KCTD1: variants seen among roughly 807,000 people sequenced by gnomAD.
The protein encoded by KCTD1 is potassium channel tetramerization domain containing 1.
A neutral mutation model predicts 66.0 loss-of-function variants in KCTD1; 24 were observed. That is an observed-to-expected ratio of 0.36 (90% CI 0.26 to 0.51). The LOEUF (loss-of-function observed/expected upper bound fraction) is 0.51. Ranked by LOEUF, KCTD1 falls within the 20% of genes least tolerant of loss-of-function variation. The pLI is 0.95. For synonymous variants in KCTD1, 511 were observed against 517.2 expected (o/e 0.99, Z 0.16); for missense variants, 943 against 1,205.2 (o/e 0.78, Z 3.22).
chr18:26,525,563 C>G (rs1984117396), intron 1 of KCTD1, among the ~76,000 whole-genome samples: 1 of 152,222 alleles, frequency 6.6e-6, no homozygotes, highest in African/African-American at 2.4e-5. Context: ...CCAGGATGCT[C>G]TCCTATGGTC....
upstream of KCTD1, chr18:26,549,825 G>A: frequency 2.0e-6 from 2 of 985,070 alleles, no homozygotes; most frequent in Non-Finnish European, 2.4e-6. Flanking sequence ...CAGCCAAAGA[G>A]CTCGCCGGGT....
chr18:26,546,866 G>A lies in KCTD1; in HGVS notation c.1671C>T (p.Ile557=). The A allele has an allele frequency of 6.6e-7, 1 of 1,504,402 alleles. No homozygotes were observed. Among genetic ancestry groups the A allele is most frequent in the Non-Finnish European group, 8.9e-7 (1 of 1,126,472 alleles). The allele number at this position is 1,504,402 out of a possible 1,614,324, so 93.2% of individuals were successfully genotyped here. ...CCGCATCCACAGGCTCCGAGGGGCG[G>A]ATACAAAGTCTTTTGGGGGAAGTGG... ...CGPTSPKRLC[I]RPSEPVDAVV... The change falls in exon 1 of 5, where the codon ATC becomes ATT. Residue 557 remains isoleucine (I), a synonymous_variant. Coordinates refer to ENST00000580059, the MANE Select transcript of KCTD1 (RefSeq NM_001142730.3).
At chr18:26,618,513 C>T (rs10502470) in intron 1 of KCTD1, among the ~76,000 whole-genome samples, 28,792 of 152,082 alleles carry the variant, frequency 0.19, 3,127 homozygotes, top group Middle Eastern at 0.28. Flanking sequence ...AACGATGCCT[C>T]TCTCTTCATC....
chr18:26,609,806 T>C (rs1987094688), intron 1 of KCTD1, among the ~76,000 whole-genome samples: 1 of 152,246 alleles, frequency 6.6e-6, no homozygotes, highest in African/African-American at 2.4e-5. Flanking sequence ...GTATTTCATT[T>C]GGGATAATTC....
chr18:26,529,503 G>T (rs1984334560), intron 1 of KCTD1, among the ~76,000 whole-genome samples: 2 of 152,104 alleles, frequency 1.3e-5, no homozygotes, highest in African/African-American at 4.8e-5. Context: ...ACATCTCTTA[G>T]TCCAAAATCC....
intron 1 of KCTD1, among the ~76,000 whole-genome samples, chr18:26,564,918 A>G (rs1985947456): frequency 6.6e-6 from 1 of 152,252 alleles, no homozygotes; most frequent in East Asian, 1.9e-4. Context: ...TCAAAGGGTC[A>G]TAAACACAGC....
rs772196507 is a variant in KCTD1, at chr18:26,468,939, G to A, written c.2133+7576C>T. On this transcript the variant is annotated intron_variant, in intron 3 of 4. Transcript: ENST00000580059. The surrounding 1 kb of genome is among the most constrained non-coding windows in gnomAD (Gnocchi z 4.8). ...AAGCACCAATAGTACTGTTCAGGAC[G>A]TGCAGACTGAAAGCTCCTATGTGTA... Among the ~76,000 whole-genome samples, 4 of 152,192 alleles carry A rather than the reference G, an allele frequency of 2.6e-5. No individual in the cohort carries two copies. The highest frequency in any genetic ancestry group is 2.4e-5 in the African/African-American group (1 of 41,438).
In KCTD1 at chr18:26,548,140, G is replaced by C. The variant is rs1301866320; in HGVS notation, c.397C>G (p.Pro133Ala). 2 of 1,338,958 alleles carry C rather than the reference G, an allele frequency of 1.5e-6. No individual in the cohort carries two copies. Among genetic ancestry groups the C allele is most frequent in the South Asian group, 4.4e-5 (2 of 45,812 alleles). 82.9% of individuals were successfully genotyped at this position (1,338,958 alleles called of 1,614,324 possible). The change falls in exon 1 of 5, where the codon CCC (proline) becomes GCC (alanine). Residue 133 changes from proline (P) to alanine (A), a missense_variant. This residue lies in a region of KCTD1 where 236 missense variants were observed against 206.6 expected (regional missense o/e 1.14). Transcript: ENST00000580059. ...GCCAGCAGTCGCGGCGGCGCCTCGG[G>C]CTCCAGCGCGGCGCTCTGGTCCATA... is the stretch of plus-strand genomic sequence containing the variant. The part of the protein sequence containing the change: ...INMDQSAALE[P>A]EAPPRLLAPR...
At chr18:26,624,716 C>T (rs550877598) in intron 1 of KCTD1, among the ~76,000 whole-genome samples, 5 of 152,330 alleles carry the variant, frequency 3.3e-5, no homozygotes, top group East Asian at 3.9e-4. Context: ...CGAGCCCCTA[C>T]GAGGAGTGCC....
Position 26,476,509 on chromosome 18 carries a change from C to T in KCTD1, c.2133+6G>A. On this transcript the variant is annotated splice_donor_region_variant and intron_variant, in intron 3 of 4. Transcript: ENST00000580059. This position sits in a 1 kb window ranked among gnomAD's most constrained non-coding sequence, Gnocchi z 4.9. ...TGCTATTGGTGATTTAACATGGATC[C>T]CTCACCTTGAAATCATCAGGAATGA... 5.6e-6 allele frequency: 9 copies of T among 1,601,634 alleles called. No homozygotes were observed. Among genetic ancestry groups the T allele is most frequent in the Non-Finnish European group, 7.6e-6 (9 of 1,176,780 alleles).
chr18:26,547,726 C>G lies in KCTD1; in HGVS notation c.811G>C (p.Glu271Gln), dbSNP rs1266878976. The part of the protein sequence containing the change: ...LTLAAVIRKL[E>Q]EQGAGPVVQK... ...ACCACCGGCCCGGCGCCCTGCTCCT[C>G]GAGCTTGCGGATGACCGCGGCCAGC... is the stretch of plus-strand genomic sequence containing the variant. The change falls in exon 1 of 5, where the codon GAG (glutamate) becomes CAG (glutamine). Residue 271 changes from glutamate to glutamine, a missense_variant. Coordinates refer to ENST00000580059, the MANE Select transcript of KCTD1 (RefSeq NM_001142730.3). 1.3e-6 allele frequency: 2 copies of G among 1,547,722 alleles called. No homozygotes were observed. The highest frequency in any genetic ancestry group is 1.7e-6 in the Non-Finnish European group (2 of 1,146,756).
intron 1 of KCTD1, chr18:26,544,455 C>T (rs1023838039): frequency 6.6e-6 from 1 of 152,194 alleles, no homozygotes; most frequent in African/African-American, 2.4e-5. Context: ...TGTCTGTTAT[C>T]GAGATGTCTC....
intron 1 of KCTD1, chr18:26,543,503 T>C (rs2298594): frequency 0.13 from 19,370 of 152,290 alleles, 2,339 homozygotes; most frequent in African/African-American, 0.32. Context: ...CTTGCCCCTA[T>C]AGCACCTGAG....
In KCTD1 at chr18:26,454,966, C is replaced by T. The variant is rs1979968963; in HGVS notation, c.*777G>A. The T allele has an allele frequency of 6.6e-6, 1 of 152,658 alleles. No individual in the cohort carries two copies. The allele number at this position is 152,658 out of a possible 1,614,324, so 9.5% of individuals were successfully genotyped here. A position where few individuals can be genotyped will look rare whatever the true frequency, so the allele number is the denominator to read the frequency against. On this transcript the variant is annotated 3_prime_UTR_variant, in exon 5 of 5. Coordinates refer to ENST00000580059, the MANE Select transcript of KCTD1 (RefSeq NM_001142730.3). ...GCCTCACCCCCACATGTGTGTTTCACACAGACCTTATTTTTTAAACAGAGT... is the reference window on the plus strand; with the variant it reads ...GCCTCACCCCCACATGTGTGTTTCATACAGACCTTATTTTTTAAACAGAGT...
chr18:26,497,365 AG>A (rs1274849049), intron 2 of KCTD1, among the ~76,000 whole-genome samples: 2 of 152,072 alleles, frequency 1.3e-5, no homozygotes, highest in Non-Finnish European at 2.9e-5. Context: ...ATGGTCCCAT[AG>A]GGTAGGAAGG....
chr18:26,578,844 C>G (rs963104118), intron 1 of KCTD1, among the ~76,000 whole-genome samples: 1 of 152,168 alleles, frequency 6.6e-6, no homozygotes, highest in Non-Finnish European at 1.5e-5. Flanking sequence ...TCCACACTTC[C>G]GTGGAGGTTA....
upstream of KCTD1, chr18:26,549,758 C>T (rs1279917220): frequency 4.1e-6 from 4 of 985,376 alleles, no homozygotes; most frequent in Non-Finnish European, 4.8e-6. Flanking sequence ...ATTCGTTCGC[C>T]CTCCGGGCTG....
At chr18:26,460,854 C>G (rs900455867) in intron 3 of KCTD1, 2 of 152,222 alleles carry the variant, frequency 1.3e-5, no homozygotes, top group African/African-American at 4.8e-5. Context: ...GAGGCAGCAA[C>G]TCAGGAACAA....
intron 1 of KCTD1, among the ~76,000 whole-genome samples, chr18:26,560,154 C>A (rs201866983): frequency 0.065 from 3,804 of 58,708 alleles, 93 homozygotes; most frequent in African/African-American, 0.09. Flanking sequence ...AAAAAAAAAA[C>A]AAAACAGATA....
Sources: allele counts gnomAD v4.1 joint callset (sites outside exome capture counted in the v4.1 genomes callset), GRCh38; gene constraint gnomAD v4.1.1; regional missense constraint gnomAD v4.1.1; non-coding constraint Gnocchi (gnomAD v3.1); transcripts MANE v1.5; gene names NCBI Gene and HGNC (gene_info 2026-07-23, HGNC 2026-07-21).